Variants in GSE1 observed in about 807,000 individuals in gnomAD.
GSE1 encodes the protein Gse1 coiled-coil protein.
Under a neutral mutation model 112.6 loss-of-function variants are expected in GSE1, and 32 were observed. The observed-to-expected ratio is 0.28, with a 90% CI of 0.21 to 0.38. The LOEUF (loss-of-function observed/expected upper bound fraction) is 0.38, where lower values mean the gene tolerates loss of function less well. Among genes scored for constraint, GSE1 ranks in the 10% least tolerant of loss-of-function variants. GSE1 has a pLI of 1.00. For missense variants in GSE1, 2,348 were observed against 1,699.2 expected (o/e 1.38, Z -6.71); for synonymous variants, 1,115 against 735.6 (o/e 1.52, Z -8.35).
chr16:85,279,419 C>T (rs1238277649), intron 1 of GSE1, among the ~76,000 whole-genome samples: 1 of 152,136 alleles, frequency 6.6e-6, no homozygotes, highest in East Asian at 1.9e-4. Flanking sequence ...CCAGTCTGGG[C>T]ATTATAGCAA....
chr16:85,528,138 G>T (rs1254346439), intron 2 of GSE1, among the ~76,000 whole-genome samples: 1 of 152,254 alleles, frequency 6.6e-6, no homozygotes, highest in African/African-American at 2.4e-5. Context: ...CTGGGTGTGT[G>T]GGCGTGAGCT....
At chr16:85,319,400 C>T (rs1043580184) in intron 1 of GSE1, among the ~76,000 whole-genome samples, 6 of 152,142 alleles carry the variant, frequency 3.9e-5, no homozygotes, top group African/African-American at 1.4e-4. Flanking sequence ...GCAGGAGAGA[C>T]GCCAGCTCCT....
At chr16:85,201,379 C>T (rs867294235) in intron 1 of GSE1, among the ~76,000 whole-genome samples, 23 of 150,606 alleles carry the variant, frequency 1.5e-4, no homozygotes, top group Admixed American at 3.3e-4. Flanking sequence ...AACGTGAAGC[C>T]GGGCACGATG....
At position 85,662,801 on chromosome 16, in the gene GSE1, A is replaced by G; in HGVS notation, c.2261-180A>G. ...GAAGCCTGGTGTCTGCGGTCCTGCA[A>G]AGCCCCAGGACTGGGTTAATGTTGG... On this transcript the variant is annotated intron_variant, in intron 9 of 15. Transcript: ENST00000253458. 3 of 575,868 alleles carry G rather than the reference A, an allele frequency of 5.2e-6. No homozygotes were observed. In the South Asian group the frequency reaches 6.4e-5, roughly 12 times the overall value. The allele number at this position is 575,868 out of a possible 1,614,324, so 35.7% of individuals were successfully genotyped here.
intron 1 of GSE1, among the ~76,000 whole-genome samples, chr16:85,348,648 C>T (rs886201687): frequency 2.6e-5 from 4 of 152,216 alleles, no homozygotes; most frequent in Non-Finnish European, 4.4e-5. Context: ...CACTTTCTGT[C>T]CGCTCAGCCT....
Position 85,388,267 on chromosome 16 carries a change from GATGGATGGGTGA to G in GSE1, c.2464+30625_2464+30636del, listed in dbSNP as rs2047739227. 2.2e-5 allele frequency among the ~76,000 whole-genome samples: 3 copies of G among 139,532 alleles called. 1 individual carries two copies. The highest frequency in any genetic ancestry group is 4.6e-5 in the Non-Finnish European group (3 of 64,768). 91.5% of individuals were successfully genotyped at this position (139,532 alleles called of 152,430 possible). ...GGATGGATGAATGGATGTATGGCTG[GATGGATGGGTGA>G]GTGGATGGGTGGGTGGATGGATGGA... On this transcript the variant is annotated intron_variant, in intron 2 of 2. Coordinates refer to the GSE1 transcript ENST00000637419.
At chr16:85,458,367 C>G (rs2049888833) in intron 2 of GSE1, among the ~76,000 whole-genome samples, 1 of 152,270 alleles carries the variant, frequency 6.6e-6, no homozygotes, top group Non-Finnish European at 1.5e-5. Flanking sequence ...AATGGGCCTT[C>G]AGGTGCAGGT....
intron 2 of GSE1, among the ~76,000 whole-genome samples, chr16:85,518,318 T>TC (rs2052022404): frequency 6.6e-6 from 1 of 152,002 alleles, no homozygotes; most frequent in South Asian, 2.1e-4. Flanking sequence ...ATGGGGCAGA[T>TC]TGTGGAAGGA....
intron 1 of GSE1, among the ~76,000 whole-genome samples, chr16:85,279,339 G>A (rs573873380): frequency 6.6e-6 from 1 of 152,352 alleles, no homozygotes; most frequent in South Asian, 2.1e-4. Context: ...TGTGTGTGGT[G>A]GCTCATGCCT....
At chr16:85,309,367 G>A (rs981943249) in intron 1 of GSE1, among the ~76,000 whole-genome samples, 1 of 152,012 alleles carries the variant, frequency 6.6e-6, no homozygotes, top group Admixed American at 6.6e-5. Flanking sequence ...GGTGGCACCT[G>A]TCTGTGGTCC....
upstream of GSE1, chr16:85,554,843 G>A: frequency 7.1e-6 from 7 of 983,342 alleles, no homozygotes; most frequent in Non-Finnish European, 8.5e-6. Flanking sequence ...TGGGCAGCCG[G>A]AGGGGGGGCC....
intron 1 of GSE1, among the ~76,000 whole-genome samples, chr16:85,261,953 A>G (rs1907736860): frequency 1.3e-5 from 2 of 152,104 alleles, no homozygotes; most frequent in Non-Finnish European, 2.9e-5. Flanking sequence ...GCTCTCCCCC[A>G]TGCCTTATGT....
intron 2 of GSE1, among the ~76,000 whole-genome samples, chr16:85,455,724 C>T (rs1296473149): frequency 6.6e-6 from 1 of 152,252 alleles, no homozygotes; most frequent in Non-Finnish European, 1.5e-5. Context: ...AGACTTCCCA[C>T]ATTGGGGAGT....
rs114117576 is a variant in GSE1 at position 85,380,010 on chromosome 16, A to G, written c.2464+22367A>G. On this transcript the variant is annotated intron_variant, in intron 2 of 2. Coordinates refer to the GSE1 transcript ENST00000637419. ...AAAGGGGCTTTAATTTCCAAATCCA[A>G]GGACAGAACAGCAGGTGTTTGGCCT... 7.2e-3 allele frequency among the ~76,000 whole-genome samples: 1,104 copies of G among 152,326 alleles called. 10 individuals are homozygous for G. The highest frequency in any genetic ancestry group is 0.026 in the African/African-American group (1,062 of 41,568).
At chr16:85,654,118 C>T (rs1025659915) in intron 3 of GSE1, among the ~76,000 whole-genome samples, 160 bp from the exon 4 acceptor site, 3 of 152,196 alleles carry the variant, frequency 2.0e-5, no homozygotes, top group African/African-American at 7.2e-5. Context: ...GCTTCCCACA[C>T]CACATGCACC....
chr16:85,420,524 T>C (rs914974581), intron 2 of GSE1, among the ~76,000 whole-genome samples: 3 of 151,344 alleles, frequency 2.0e-5, no homozygotes, highest in East Asian at 3.9e-4. Flanking sequence ...CCAAGGGGGG[T>C]GGCACCATTG....
chr16:85,666,645 T>A, intron 13 of GSE1: 1 of 398,014 alleles, frequency 2.5e-6, no homozygotes, highest in East Asian at 5.4e-5. Flanking sequence ...AGGCATTGGT[T>A]TTTGCAGAGA....
chr16:85,213,432 G>A (rs144849962), intron 1 of GSE1, among the ~76,000 whole-genome samples: 119 of 152,256 alleles, frequency 7.8e-4, no homozygotes, highest in African/African-American at 2.8e-3. Flanking sequence ...CAGCTTGGGC[G>A]ACAAAGTGAA....
At chr16:85,643,133 A>G (rs922951718) in intron 2 of GSE1, among the ~76,000 whole-genome samples, 1 of 152,100 alleles carries the variant, frequency 6.6e-6, no homozygotes, top group South Asian at 2.1e-4. Flanking sequence ...TGTTAATTAC[A>G]TCTGCCCGTG....
Sources: gnomAD v4.1 joint callset for allele counts (sites outside exome capture counted in the v4.1 genomes callset) on GRCh38, gnomAD v4.1.1 for gene constraint, MANE v1.5 for transcripts, NCBI Gene and HGNC (gene_info 2026-07-23, HGNC 2026-07-21) for gene names.